NBPF8: variants seen among roughly 807,000 people sequenced by gnomAD.
The protein encoded by NBPF8 is NBPF member 8, also known as NBPF family member NBPF8.
chr1:120,451,994 C>T, intron 12 of NBPF8, 123 bp from the exon 11 acceptor site: 3 of 1,088,430 alleles, frequency 2.8e-6, no homozygotes, highest in East Asian at 2.3e-5. Flanking sequence ...TTCCTTTCAA[C>T]ATGTGCTGAC....
upstream of NBPF8, chr1:120,436,328 T>G (rs1461137097): frequency 3.3e-6 from 5 of 1,531,562 alleles, no homozygotes; most frequent in Admixed American, 4.0e-5. Flanking sequence ...ACCTCGAACC[T>G]TGTTTTTGTG....
upstream of NBPF8, among the ~76,000 whole-genome samples, chr1:120,415,534 G>C (rs1660409885): frequency 6.6e-6 from 1 of 152,196 alleles, no homozygotes; most frequent in African/African-American, 2.4e-5. Flanking sequence ...TGGCATCCCA[G>C]GGGGTGGAGG....
chr1:120,416,027 C>T (rs1407553677), upstream of NBPF8, among the ~76,000 whole-genome samples: 2 of 152,286 alleles, frequency 1.3e-5, no homozygotes, highest in South Asian at 4.1e-4. Flanking sequence ...TGCAGTGATA[C>T]CTTTTCTTTG....
upstream of NBPF8, among the ~76,000 whole-genome samples, chr1:120,415,547 C>T (rs1553245039): frequency 2.3e-4 from 35 of 152,258 alleles, no homozygotes; most frequent in East Asian, 4.4e-3. Context: ...GGTGGAGGGA[C>T]GAGCAGCTTC....
exon 1 of NBPF8, chr1:120,436,602 A>C (rs1312881833): frequency 2.5e-6 from 4 of 1,608,220 alleles, no homozygotes; most frequent in South Asian, 2.2e-5. Context: ...TTGCGCCCCC[A>C]GTTGGCAGAG....
At chr1:120,464,739 ACT>A (rs1661697717) in intron 23 of NBPF8, among the ~76,000 whole-genome samples, 191 bp downstream of exon 21, 1 of 141,078 alleles carries the variant, frequency 7.1e-6, no homozygotes, top group Non-Finnish European at 1.5e-5. Flanking sequence ...AGTGAGCAAG[ACT>A]CTCTTCCTAG....
chr1:120,415,339 G>A (rs1242934666), upstream of NBPF8, among the ~76,000 whole-genome samples: 18 of 151,922 alleles, frequency 1.2e-4, no homozygotes, highest in African/African-American at 4.4e-4. Flanking sequence ...CAGCTGGGTC[G>A]AGCTGCGGCT....
At chr1:120,450,515 G>A (rs1213179265) in intron 11 of NBPF8, among the ~76,000 whole-genome samples, 3 of 152,040 alleles carry the variant, frequency 2.0e-5, no homozygotes, top group African/African-American at 7.3e-5. Context: ...AATTACATGA[G>A]CTATTTCTTG....
downstream of NBPF8, among the ~76,000 whole-genome samples, chr1:120,468,304 C>A (rs1570949206): frequency 6.6e-6 from 1 of 151,856 alleles, no homozygotes; most frequent in African/African-American, 2.4e-5. Context: ...ATGAGCTATT[C>A]AAAAGTGAAT....
At chr1:120,430,734 C>G (rs1660853031) in intron 3 of NBPF8, among the ~76,000 whole-genome samples, 1 of 111,160 alleles carries the variant, frequency 9.0e-6, no homozygotes, top group African/African-American at 3.6e-5. Context: ...GCCTGGGTAA[C>G]AGAGCAAGAC....
intron 3 of NBPF8, among the ~76,000 whole-genome samples, chr1:120,430,963 A>G (rs1660858984): frequency 6.6e-6 from 1 of 151,390 alleles, no homozygotes; most frequent in Non-Finnish European, 1.5e-5. Flanking sequence ...AAAAATTCCA[A>G]CCGGCATTTT....
chr1:120,419,609 C>T (rs1388920866), upstream of NBPF8, among the ~76,000 whole-genome samples: 5 of 152,010 alleles, frequency 3.3e-5, no homozygotes, highest in Admixed American at 2.6e-4. Context: ...CAAGTGTGTG[C>T]CACCATGCTG....
intron 21 of NBPF8, 100 bp downstream of exon 19, chr1:120,463,066 T>C (rs1309961975): frequency 7.5e-6 from 5 of 665,258 alleles, no homozygotes; most frequent in East Asian, 5.4e-5. Context: ...AGAGATGTCA[T>C]TGCCGCAGGC....
chr1:120,459,647 C>T lies in NBPF8; in HGVS notation n.2784+117C>T. Reference sequence around the variant, plus strand: ...GATTTGCCATCACTGTGGGCTGAACCTATATATCAATGTAGATTTCAATCA... The same window carrying T: ...GATTTGCCATCACTGTGGGCTGAACTTATATATCAATGTAGATTTCAATCA... On this transcript the variant is annotated intron_variant and non_coding_transcript_variant, in intron 17 of 24. Transcript: ENST00000583271. The T allele has an allele frequency of 2.7e-6, 3 of 1,123,724 alleles. No individual in the cohort carries two copies. In the South Asian group the frequency reaches 3.6e-5, roughly 14 times the overall value. 69.6% of individuals were successfully genotyped at this position (1,123,724 alleles called of 1,614,324 possible).
upstream of NBPF8, chr1:120,433,391 A>G (rs1660940865): frequency 6.5e-6 from 1 of 152,766 alleles, no homozygotes; most frequent in African/African-American, 2.4e-5. Context: ...ATGCCCACAT[A>G]TGTACAGTTA....
At chr1:120,452,180 G>A in exon 13 of NBPF8, 6 of 1,590,308 alleles carry the variant, frequency 3.8e-6, no homozygotes, top group East Asian at 4.5e-5. Context: ...AGAAGTTGCG[G>A]GAAGGGAGAG....
intron 1 of NBPF8, among the ~76,000 whole-genome samples, chr1:120,424,251 A>G (rs1660647449): frequency 6.6e-6 from 1 of 151,552 alleles, no homozygotes; most frequent in African/African-American, 2.4e-5. Context: ...CATTCTAGGG[A>G]TGGTTTTTGG....
chr1:120,428,018 T>C (rs1660768808), intron 3 of NBPF8, among the ~76,000 whole-genome samples, 171 bp downstream of exon 3: 4 of 152,374 alleles, frequency 2.6e-5, no homozygotes. Flanking sequence ...AAACATTCTT[T>C]AGATAATAAT....
intron 3 of NBPF8, among the ~76,000 whole-genome samples, chr1:120,428,054 G>A (rs1434950081): frequency 6.6e-6 from 1 of 152,114 alleles, no homozygotes; most frequent in Non-Finnish European, 1.5e-5. Context: ...TATTGCATTA[G>A]GCTTAAATTT....
Sources: gnomAD v4.1 joint callset for allele counts (sites outside exome capture counted in the v4.1 genomes callset) on GRCh38, gnomAD v4.1.1 for gene constraint, MANE v1.5 for transcripts, NCBI Gene and HGNC (gene_info 2026-07-23, HGNC 2026-07-21) for gene names.